The following ZNF567 variants were observed in gnomAD, a reference collection of about 807,000 sequenced individuals.
ZNF567 encodes zinc finger protein 567.
A neutral mutation model predicts 53.9 loss-of-function variants in ZNF567; 36 were observed. The observed-to-expected ratio is 0.67, with a 90% confidence interval of 0.51 to 0.88. ZNF567 has a LOEUF of 0.88. ZNF567 is among the 40% of genes least tolerant of loss of function. The pLI, the probability that ZNF567 is intolerant of heterozygous loss-of-function variation, is 0.00. For missense variants in ZNF567, 619 were observed against 764.7 expected (o/e 0.81, Z 2.25); for synonymous variants, 224 against 260.4 (o/e 0.86, Z 1.35).
At position 36,719,256 on chromosome 19, in the gene ZNF567, C is replaced by T; in HGVS notation, c.532C>T (p.His178Tyr). The T allele has an allele frequency of 1.2e-6, 2 of 1,613,956 alleles. No individual in the cohort carries two copies. Among genetic ancestry groups the T allele is most frequent in the Admixed American group, 1.7e-5 (1 of 60,006 alleles). The change falls in exon 6 of 6, where the codon CAT (histidine) becomes TAT (tyrosine). Residue 178 changes from histidine to tyrosine, a missense_variant. By Grantham distance (83) the His-to-Tyr change is moderately conservative. Transcript: ENST00000682579. ...CCTGAGTACTAAACAAGAGACTACT[C>T]ATCCTGAAGTCAAATCCCATAATCA... is the stretch of plus-strand genomic sequence containing the variant. ...SLLSTKQETT[H>Y]PEVKSHNQSA...
chr19:36,682,896 C>T (rs2038208520), upstream of ZNF567, among the ~76,000 whole-genome samples: 1 of 151,648 alleles, frequency 6.6e-6, no homozygotes, highest in Non-Finnish European at 1.5e-5. Flanking sequence ...CGTGAGCCAC[C>T]ACACCCAGCT....
intron 3 of ZNF567, among the ~76,000 whole-genome samples, chr19:36,707,369 A>C (rs1016514594): frequency 6.6e-6 from 1 of 152,124 alleles, no homozygotes; most frequent in African/African-American, 2.4e-5. Flanking sequence ...CATTTTGCTT[A>C]GTTTATATTG....
chr19:36,698,430 G>T (rs1204215006), intron 3 of ZNF567, among the ~76,000 whole-genome samples: 8 of 151,528 alleles, frequency 5.3e-5, no homozygotes, highest in Admixed American at 2.0e-4. Context: ...ACTCCTTTGG[G>T]TATATACCCA....
the ZNF567 span, among the ~76,000 whole-genome samples, chr19:36,675,157 A>G: frequency 6.6e-6 from 1 of 152,250 alleles, no homozygotes; most frequent in Non-Finnish European, 1.5e-5. Flanking sequence ...AATAGCAAGT[A>G]TATGTAACAA....
chr19:36,709,462 C>T (rs1191842395), intron 3 of ZNF567, among the ~76,000 whole-genome samples: 1 of 152,118 alleles, frequency 6.6e-6, no homozygotes, highest in Non-Finnish European at 1.5e-5. Context: ...TTACCTTAAG[C>T]CTGAAGAATT....
chr19:36,712,423 C>T lies in ZNF567; in HGVS notation c.47C>T (p.Thr16Ile). 1 of 1,614,052 alleles carries T rather than the reference C, an allele frequency of 6.2e-7. No homozygotes were observed. Among genetic ancestry groups the T allele is most frequent in the Non-Finnish European group, 8.5e-7 (1 of 1,179,968 alleles). Residue 16 changes from threonine to isoleucine, a missense_variant, in exon 4 of 6, where the codon ACT becomes ATT. Thr to Ile is a moderately conservative substitution (Grantham distance 89). Coordinates refer to ENST00000682579, the MANE Select transcript of ZNF567 (RefSeq NM_001322917.1). Reference protein sequence around the residue: ...VSFNDVTVDFTQEEWQHLDHA... With the variant: ...VSFNDVTVDFIQEEWQHLDHA... ...TTCAATGATGTGACTGTGGACTTCA[C>T]TCAGGAGGAGTGGCAGCACCTGGAT...
intron 1 of ZNF567, among the ~76,000 whole-genome samples, chr19:36,688,459 GA>G (rs941526178): frequency 6.6e-6 from 1 of 151,798 alleles, no homozygotes; most frequent in Non-Finnish European, 1.5e-5. Flanking sequence ...AATAAGTAGT[GA>G]TTTTTTTTTT....
At chr19:36,682,882 C>T (rs1167765086), upstream of ZNF567, among the ~76,000 whole-genome samples, 3 of 151,988 alleles carry the variant, frequency 2.0e-5, no homozygotes, top group African/African-American at 7.3e-5. Flanking sequence ...GCTGGGATTA[C>T]AGGCGTGAGC....
chr19:36,709,799 T>C (rs2039684460), intron 3 of ZNF567, among the ~76,000 whole-genome samples: 1 of 152,236 alleles, frequency 6.6e-6, no homozygotes, highest in Non-Finnish European at 1.5e-5. Flanking sequence ...CTGCTGGTGA[T>C]GAATTCTCTA....
chr19:36,709,145 A>G (rs2039645700), intron 3 of ZNF567, among the ~76,000 whole-genome samples: 1 of 152,174 alleles, frequency 6.6e-6, no homozygotes. Flanking sequence ...TTTTGTACAG[A>G]TTGTGAGCTA....
chr19:36,701,050 G>A (rs1459748085), intron 3 of ZNF567, among the ~76,000 whole-genome samples: 2 of 151,838 alleles, frequency 1.3e-5, no homozygotes, highest in African/African-American at 4.8e-5. Flanking sequence ...GCTTTCTCTT[G>A]TGGGCATTTA....
the ZNF567 span, among the ~76,000 whole-genome samples, chr19:36,682,167 C>T: frequency 8.6e-5 from 13 of 150,588 alleles, no homozygotes; most frequent in Admixed American, 7.3e-4. Flanking sequence ...GTCCTAGCTA[C>T]TTGGGGAGCT....
At chr19:36,680,187 T>C in the ZNF567 span, among the ~76,000 whole-genome samples, 1 of 152,140 alleles carries the variant, frequency 6.6e-6, no homozygotes, top group Non-Finnish European at 1.5e-5. Flanking sequence ...TTATTACTTG[T>C]CAATTAAAAA....
At position 36,701,652 on chromosome 19, in the gene ZNF567, T is replaced by G. The variant is rs2039192539; in HGVS notation, c.9+6776T>G. ...TATTTAGGATAGTTAGCTCTTCTTG[T>G]TGAATTGATCCCTTTACCATTATGT... On this transcript the variant is annotated intron_variant, in intron 3 of 5. Transcript: ENST00000682579. 2.0e-5 allele frequency among the ~76,000 whole-genome samples: 3 copies of G among 151,074 alleles called. No homozygotes were observed. The South Asian group carries it at 6.3e-4, about 32-fold the overall frequency.
At chr19:36,702,086 G>C (rs921604456) in intron 3 of ZNF567, among the ~76,000 whole-genome samples, 1 of 151,894 alleles carries the variant, frequency 6.6e-6, no homozygotes, top group Non-Finnish European at 1.5e-5. Context: ...CACGTTTAGT[G>C]CTTCCTTCAG....
the ZNF567 span, among the ~76,000 whole-genome samples, chr19:36,670,079 A>G: frequency 6.6e-6 from 1 of 152,168 alleles, no homozygotes; most frequent in Admixed American, 6.5e-5. Flanking sequence ...TAAATTAGAC[A>G]CTGGCTCTGA....
chr19:36,706,385 C>T (rs2039488007), intron 3 of ZNF567, among the ~76,000 whole-genome samples: 1 of 152,212 alleles, frequency 6.6e-6, no homozygotes, highest in South Asian at 2.1e-4. Context: ...CCTCAACATC[C>T]TGGGCTCATG....
downstream of ZNF567, among the ~76,000 whole-genome samples, chr19:36,724,490 C>A (rs2040327277): frequency 6.6e-6 from 1 of 151,520 alleles, no homozygotes. Flanking sequence ...CAAGACCAGT[C>A]TGGCCAACAT....
intron 3 of ZNF567, among the ~76,000 whole-genome samples, chr19:36,707,450 G>GT (rs1171126621): frequency 6.6e-6 from 1 of 152,040 alleles, no homozygotes; most frequent in Non-Finnish European, 1.5e-5. Context: ...ACCACCCGTT[G>GT]TATTTTTCAT....
Sources: allele counts gnomAD v4.1 joint callset (sites outside exome capture counted in the v4.1 genomes callset), GRCh38; gene constraint gnomAD v4.1.1; transcripts MANE v1.5; gene names NCBI Gene and HGNC (gene_info 2026-07-23, HGNC 2026-07-21).